NEB: variants seen among roughly 807,000 people sequenced by gnomAD.
NEB encodes the protein nebulin.
A neutral mutation model predicts 952.2 loss-of-function variants in NEB; 512 were observed. The observed-to-expected ratio is 0.54, with a 90% CI of 0.50 to 0.58. The LOEUF (loss-of-function observed/expected upper bound fraction) is 0.58. Among genes scored for constraint, NEB ranks in the 20% least tolerant of loss-of-function variants. NEB has a pLI of 0.00. For missense variants in NEB, 8,428 were observed against 9,231.1 expected, an observed-to-expected ratio of 0.91 and a Z score of 3.56; for synonymous variants, 2,900 against 3,149.8, an observed-to-expected ratio of 0.92 and a Z score of 2.66.
Position 151,518,431 on chromosome 2 carries a change from A to G in NEB, c.22696-9T>C. 1 of 1,554,098 alleles carries G rather than the reference A, an allele frequency of 6.4e-7. No homozygotes were observed. The highest frequency in any genetic ancestry group is 8.9e-7 in the Non-Finnish European group (1 of 1,129,304). On this transcript the variant is annotated splice_polypyrimidine_tract_variant and intron_variant, in intron 155 of 181. Transcript: ENST00000397345. ...TTCTTCTTGTACTGGTACTGAGGGG[A>G]AGGCGGCAAAAAAGGCACATTGATG...
intron 165 of NEB, among the ~76,000 whole-genome samples, chr2:151,504,107 C>T (rs548318087): frequency 1.9e-4 from 29 of 152,282 alleles, no homozygotes; most frequent in African/African-American, 6.5e-4. Context: ...AACCTCCACT[C>T]TCTGAGCCTC....
Position 151,708,767 on chromosome 2 carries a change from C to T in NEB, c.1035+889G>A, listed in dbSNP as rs112308782. 3.3e-3 allele frequency among the ~76,000 whole-genome samples: 508 copies of T among 152,234 alleles called. 3 individuals carry two copies. Among genetic ancestry groups the T allele is most frequent in the African/African-American group, 0.011 (468 of 41,516 alleles). On this transcript the variant is annotated intron_variant, in intron 12 of 181. Coordinates refer to ENST00000397345, the MANE Select transcript of NEB (RefSeq NM_001164508.2). Reference sequence around the variant, plus strand: ...TGAAGATGAGCTCTTGTCTGTCCTCCAAAAAAATTACCAACTTCTTCCATA... The same window carrying T: ...TGAAGATGAGCTCTTGTCTGTCCTCTAAAAAAATTACCAACTTCTTCCATA...
At chr2:151,640,247 T>C (rs1274674610) in intron 61 of NEB, 108 bp downstream of exon 61, 1 of 1,508,538 alleles carries the variant, frequency 6.6e-7, no homozygotes, top group Non-Finnish European at 9.0e-7. Flanking sequence ...GGCAATGCTA[T>C]TTGCCTCCTC....
chr2:151,729,718 C>T (rs2099801110), intron 3 of NEB, 62 bp from the exon 4 acceptor site: 2 of 1,540,854 alleles, frequency 1.3e-6, no homozygotes, highest in Admixed American at 1.7e-5. Flanking sequence ...TCTCCTCTGC[C>T]TCAGCTGAAC....
At chr2:151,703,024 T>C (rs940858265) in intron 13 of NEB, among the ~76,000 whole-genome samples, 27 of 151,966 alleles carry the variant, frequency 1.8e-4, no homozygotes, top group Admixed American at 3.3e-4. Flanking sequence ...TGTTTAGCGC[T>C]TCCTTCAGAA....
rs1273310048 is a variant in NEB, at chr2:151,687,436, C to T, written c.2620G>A (p.Ala874Thr). The T allele has an allele frequency of 6.2e-7, 1 of 1,613,596 alleles. No homozygotes were observed. The highest frequency in any genetic ancestry group is 1.1e-5 in the South Asian group (1 of 91,066). ...ACACTCACATCACTCTGGTTTTTGGCTGTCTTCAAGGAGTGCAGCATCTTT... is the reference window on the plus strand; with the variant it reads ...ACACTCACATCACTCTGGTTTTTGGTTGTCTTCAAGGAGTGCAGCATCTTT... ...DPKMLHSLKTAKNQSDREYRK... is the reference protein window; with the variant it reads ...DPKMLHSLKTTKNQSDREYRK... Residue 874 changes from alanine to threonine, a missense_variant, in exon 27 of 182, where the codon GCC becomes ACC. Around this residue, in one of 11 missense-constraint regions of NEB, gnomAD observed 2,851 missense variants for 2,791.5 expected, o/e 1.02. Transcript: ENST00000397345.
At chr2:151,494,712 G>A (rs571380556) in intron 173 of NEB, among the ~76,000 whole-genome samples, 20 of 152,222 alleles carry the variant, frequency 1.3e-4, no homozygotes, top group African/African-American at 3.4e-4. Context: ...GCAATGGCAC[G>A]ATCCCTGCTC....
chr2:151,649,019 C>T (rs1340492299), intron 54 of NEB, among the ~76,000 whole-genome samples: 2 of 152,010 alleles, frequency 1.3e-5, no homozygotes, highest in Non-Finnish European at 2.9e-5. Context: ...ACGTGTATAT[C>T]GATAAACTTA....
rs1315382340 is a variant in NEB at position 151,705,978 on chromosome 2, G to A, written c.1152+903C>T. On this transcript the variant is annotated intron_variant, in intron 13 of 181. Coordinates refer to ENST00000397345, the MANE Select transcript of NEB (RefSeq NM_001164508.2). ...CTACATATTGATCATAGTGTACACT[G>A]TAGGTGATGGGTGCACCAAAATCTC... 9.2e-5 allele frequency among the ~76,000 whole-genome samples: 14 copies of A among 152,344 alleles called. No homozygotes were observed. In the East Asian group the frequency reaches 2.5e-3, roughly 27 times the overall value.
chr2:151,513,868 G>C (rs145900263), intron 159 of NEB, among the ~76,000 whole-genome samples, 175 bp from the exon 160 acceptor site: 188 of 152,322 alleles, frequency 1.2e-3, no homozygotes, highest in African/African-American at 4.2e-3. Context: ...GTCTTCAGAA[G>C]CCCTCTGGAG....
At chr2:151,726,618 T>C (rs1192916730) in intron 5 of NEB, among the ~76,000 whole-genome samples, 1 of 152,190 alleles carries the variant, frequency 6.6e-6, no homozygotes, top group Non-Finnish European at 1.5e-5. Context: ...TCTGTCTGAA[T>C]CAGTCAGTGT....
Position 151,695,560 on chromosome 2 carries a change from A to G in NEB, c.1674+18T>C, listed in dbSNP as rs2099590009. The G allele has an allele frequency of 6.3e-7, 1 of 1,582,734 alleles. No individual in the cohort carries two copies. Among genetic ancestry groups the G allele is most frequent in the Non-Finnish European group, 8.7e-7 (1 of 1,152,232 alleles). Reference sequence around the variant, plus strand: ...AGGTTGTCAGTACATCACATGGTACAGGGCATAAGGAACTTACATCACTCA... The same window carrying G: ...AGGTTGTCAGTACATCACATGGTACGGGGCATAAGGAACTTACATCACTCA... On this transcript the variant is annotated intron_variant, in intron 18 of 181. Coordinates refer to ENST00000397345, the MANE Select transcript of NEB (RefSeq NM_001164508.2).
rs1192150947 is a variant in NEB, at chr2:151,538,134, A to G, written c.20997+6T>C. 1 of 1,593,816 alleles carries G rather than the reference A, an allele frequency of 6.3e-7. No individual in the cohort carries two copies. Among genetic ancestry groups the G allele is most frequent in the Non-Finnish European group, 8.6e-7 (1 of 1,162,524 alleles). On this transcript the variant is annotated splice_donor_region_variant and intron_variant, in intron 139 of 181. Transcript: ENST00000397345. ...CCAACACAAGTAGAAATATTTAGGG[A>G]CATACTTTACTGATGTCATCTGTGA...
chr2:151,657,600 C>T (rs2099099560), intron 48 of NEB, among the ~76,000 whole-genome samples: 1 of 152,170 alleles, frequency 6.6e-6, no homozygotes, highest in South Asian at 2.1e-4. Flanking sequence ...CCCAAATGAT[C>T]AGCACCCTTG....
intron 5 of NEB, among the ~76,000 whole-genome samples, chr2:151,726,789 G>C (rs2099792086): frequency 6.6e-6 from 1 of 152,136 alleles, no homozygotes; most frequent in Admixed American, 6.5e-5. Context: ...GTTTTGTGGG[G>C]CCAAGGTGGG....
intron 27 of NEB, among the ~76,000 whole-genome samples, chr2:151,687,082 T>G (rs2099508769): frequency 6.6e-6 from 1 of 152,200 alleles, no homozygotes; most frequent in South Asian, 2.1e-4. Flanking sequence ...GTTTGAAAAT[T>G]ATCATTTTAA....
intron 107 of NEB, among the ~76,000 whole-genome samples, chr2:151,572,299 G>A (rs909877069): frequency 2.0e-5 from 3 of 151,980 alleles, no homozygotes; most frequent in African/African-American, 7.2e-5. Flanking sequence ...TCCAGCCTGG[G>A]TGACAGAGCA....
In NEB at chr2:151,619,701, T is replaced by G; in HGVS notation, c.10622A>C (p.His3541Pro). ...LGHHIGARAV[H>P]DDPKIMWSLH... is the part of the protein sequence containing the mutation. Reference sequence around the variant, plus strand: ...GGACCACATTATCTTGGGGTCATCGTGTACTGCTCGGGCGCCAATGTGGTG... The same window carrying G: ...GGACCACATTATCTTGGGGTCATCGGGTACTGCTCGGGCGCCAATGTGGTG... The change falls in exon 73 of 182, where the codon CAC becomes CCC. Residue 3541 changes from histidine (H) to proline (P), a missense_variant. His to Pro is a moderately conservative substitution (Grantham distance 77). Transcript: ENST00000397345. The G allele has an allele frequency of 6.2e-7, 1 of 1,613,944 alleles. No homozygotes were observed. Among genetic ancestry groups the G allele is most frequent in the South Asian group, 1.1e-5 (1 of 91,070 alleles).
chr2:151,733,189 T>G lies in NEB; in HGVS notation c.-29-4A>C. The G allele has an allele frequency of 1.3e-6, 2 of 1,583,868 alleles. No individual in the cohort carries two copies. The highest frequency in any genetic ancestry group is 1.7e-6 in the Non-Finnish European group (2 of 1,161,466). ...GAGTAGTAGTGGCACCTACAAACTT[T>G]TCATATTCCATACAAATGAAAACAT... On this transcript the variant is annotated splice_polypyrimidine_tract_variant and splice_region_variant and intron_variant, in intron 2 of 181. Coordinates refer to ENST00000397345, the MANE Select transcript of NEB (RefSeq NM_001164508.2).
Sources: gnomAD v4.1 joint callset for allele counts (sites outside exome capture counted in the v4.1 genomes callset) on GRCh38, gnomAD v4.1.1 for gene constraint, gnomAD v4.1.1 regional missense constraint, MANE v1.5 for transcripts, NCBI Gene and HGNC (gene_info 2026-07-23, HGNC 2026-07-21) for gene names.